Variants in PSD3 observed in about 807,000 individuals in gnomAD.
The protein encoded by PSD3 is PH and SEC7 domain-containing protein 3.
Under a neutral mutation model 105.5 loss-of-function variants are expected in PSD3, and 49 were observed. The observed-to-expected ratio is 0.46, with a 90% CI of 0.37 to 0.59. The LOEUF (loss-of-function observed/expected upper bound fraction) is 0.59, where lower values mean the gene tolerates loss of function less well. PSD3 is among the 20% of genes least tolerant of loss of function. The probability of loss-of-function intolerance (pLI) is 0.00; values close to 1 mark genes in which losing one functional copy is unlikely to be tolerated. For missense variants in PSD3, 1,561 were observed against 1,263.8 expected, an observed-to-expected ratio of 1.24 and a Z score of -3.57; for synonymous variants, 557 against 457.8, an observed-to-expected ratio of 1.22 and a Z score of -2.77.
At chr8:18,638,994 C>A (rs936212761) in intron 10 of PSD3, among the ~76,000 whole-genome samples, 1 of 152,196 alleles carries the variant, frequency 6.6e-6, no homozygotes, top group Non-Finnish European at 1.5e-5. Flanking sequence ...TTGACCACTG[C>A]CCTTCCGTGG....
chr8:19,079,890 G>GT (rs1386151305), intron 1 of PSD3, among the ~76,000 whole-genome samples: 5 of 127,116 alleles, frequency 3.9e-5, no homozygotes, highest in African/African-American at 8.0e-5. Flanking sequence ...GAAGAAAATA[G>GT]CTTTTTTTTT....
intron 1 of PSD3, among the ~76,000 whole-genome samples, chr8:19,077,018 C>T (rs74730585): frequency 0.041 from 6,285 of 152,256 alleles, 154 homozygotes; most frequent in African/African-American, 0.069. Context: ...TTATTACCGT[C>T]TACCTTTCAC....
At chr8:18,795,120 C>G (rs1320033716) in intron 8 of PSD3, among the ~76,000 whole-genome samples, 1 of 152,094 alleles carries the variant, frequency 6.6e-6, no homozygotes, top group African/African-American at 2.4e-5. Flanking sequence ...TGTGACAAAA[C>G]CTAAACATAC....
At chr8:18,867,613 TC>T in intron 4 of PSD3, 60 bp downstream of exon 4, 4 of 1,518,852 alleles carry the variant, frequency 2.6e-6, no homozygotes, top group Non-Finnish European at 3.5e-6. Context: ...CACTCAGATT[TC>T]CCAGAAAAGA....
intron 12 of PSD3, among the ~76,000 whole-genome samples, chr8:18,577,986 T>C (rs1031652815): frequency 6.6e-6 from 1 of 152,122 alleles, no homozygotes; most frequent in East Asian, 1.9e-4. Context: ...GTATCTTTCA[T>C]TTCTTTGATA....
chr8:18,765,922 G>C (rs1486136377), intron 8 of PSD3, among the ~76,000 whole-genome samples: 3 of 148,244 alleles, frequency 2.0e-5, no homozygotes, highest in Non-Finnish European at 4.5e-5. Context: ...GAGCGGAGAT[G>C]GTGCCACTGC....
chr8:19,025,714 T>A (rs1827525746), intron 1 of PSD3, among the ~76,000 whole-genome samples: 2 of 152,228 alleles, frequency 1.3e-5, no homozygotes, highest in African/African-American at 2.4e-5. Context: ...GATTTTAACT[T>A]GCGGGTATGA....
intron 2 of PSD3, among the ~76,000 whole-genome samples, chr8:18,916,299 T>G (rs557854629): frequency 0.028 from 11 of 398 alleles, no homozygotes; most frequent in Non-Finnish European, 0.036. Flanking sequence ...AAAAAAGTGA[T>G]ATATATATAT....
chr8:18,848,744 G>C (rs1815323247), intron 4 of PSD3, among the ~76,000 whole-genome samples: 1 of 152,174 alleles, frequency 6.6e-6, no homozygotes, highest in Non-Finnish European at 1.5e-5. Flanking sequence ...GTTGCTCACA[G>C]AGGAGTCCCA....
intron 1 of PSD3, among the ~76,000 whole-genome samples, chr8:19,033,851 A>T (rs1827853071): frequency 6.6e-6 from 1 of 152,164 alleles, no homozygotes; most frequent in Non-Finnish European, 1.5e-5. Context: ...GAAGCTGGTC[A>T]TCATACAATG....
intron 6 of PSD3, among the ~76,000 whole-genome samples, chr8:18,801,933 G>A (rs1468140067): frequency 6.6e-6 from 1 of 152,066 alleles, no homozygotes; most frequent in Admixed American, 6.5e-5. Flanking sequence ...TTATGACCAA[G>A]TGTCAAGTAG....
chr8:18,813,193 C>G (rs1043174462), intron 4 of PSD3, among the ~76,000 whole-genome samples: 3 of 152,126 alleles, frequency 2.0e-5, no homozygotes, highest in East Asian at 1.9e-4. Context: ...AAGACTAACC[C>G]TGACTTAAAA....
At chr8:18,963,051 G>A (rs1824019640) in intron 1 of PSD3, among the ~76,000 whole-genome samples, 1 of 152,214 alleles carries the variant, frequency 6.6e-6, no homozygotes, top group African/African-American at 2.4e-5. Context: ...GGAGGTCTCA[G>A]AATCATGGTG....
At chr8:18,696,578 T>C (rs1311777092) in intron 9 of PSD3, among the ~76,000 whole-genome samples, 1 of 152,206 alleles carries the variant, frequency 6.6e-6, no homozygotes, top group African/African-American at 2.4e-5. Flanking sequence ...TATTCTTTAA[T>C]TCAGATATTA....
chr8:18,670,265 C>T (rs993901393), intron 9 of PSD3, among the ~76,000 whole-genome samples: 15 of 152,124 alleles, frequency 9.9e-5, no homozygotes, highest in Non-Finnish European at 1.9e-4. Flanking sequence ...GGGGCTGGTG[C>T]GGCTGGAGCA....
At chr8:18,840,358 G>C (rs1415068132) in intron 4 of PSD3, among the ~76,000 whole-genome samples, 5 of 152,180 alleles carry the variant, frequency 3.3e-5, no homozygotes, top group African/African-American at 1.2e-4. Flanking sequence ...GGGGTTGGTA[G>C]GGTTGGTACA....
At chr8:18,642,288 C>A (rs970114268) in intron 10 of PSD3, among the ~76,000 whole-genome samples, 3 of 152,104 alleles carry the variant, frequency 2.0e-5, no homozygotes, top group African/African-American at 7.2e-5. Context: ...CTAAAAATAA[C>A]TTCCTTGAGT....
chr8:18,627,130 T>C (rs1806538550), intron 11 of PSD3, among the ~76,000 whole-genome samples: 1 of 152,058 alleles, frequency 6.6e-6, no homozygotes, highest in Admixed American at 6.6e-5. Flanking sequence ...ATTATAATTC[T>C]GAAGAGAAAG....
chr8:18,773,330 C>G (rs905786838), intron 8 of PSD3, among the ~76,000 whole-genome samples: 1 of 152,146 alleles, frequency 6.6e-6, no homozygotes, highest in Non-Finnish European at 1.5e-5. Flanking sequence ...TTTGTGCACT[C>G]TATTCTATTC....
Sources: allele counts gnomAD v4.1 joint callset (sites outside exome capture counted in the v4.1 genomes callset), GRCh38; gene constraint gnomAD v4.1.1; transcripts MANE v1.5; gene names NCBI Gene and HGNC (gene_info 2026-07-23, HGNC 2026-07-21).